The following TRPC7 variants were observed in gnomAD, a reference collection of about 807,000 sequenced individuals.
TRPC7 encodes transient receptor potential cation channel subfamily C member 7, also known as short transient receptor potential channel 7.
TRPC7 carries 42 observed loss-of-function variants against 90.1 expected under a neutral mutation model. That is an observed-to-expected ratio of 0.47 (90% CI 0.36 to 0.60). The LOEUF (loss-of-function observed/expected upper bound fraction) is 0.60. TRPC7 is among the 20% of genes least tolerant of loss of function. The pLI, the probability that TRPC7 is intolerant of heterozygous loss-of-function variation, is 0.00. For missense variants in TRPC7, 955 were observed against 1,112.3 expected (o/e 0.86, Z 2.01); for synonymous variants, 451 against 436.3 (o/e 1.03, Z -0.42).
intron 2 of TRPC7, among the ~76,000 whole-genome samples, chr5:136,339,779 T>C (rs1302747193): frequency 1.3e-5 from 2 of 152,134 alleles, no homozygotes; most frequent in African/African-American, 4.8e-5. Flanking sequence ...GAAGACAGAA[T>C]TGAGAAATAT....
Position 136,247,629 on chromosome 5 carries a change from G to A in TRPC7, c.1686C>T (p.Asn562=), listed in dbSNP as rs575067864. The A allele has an allele frequency of 1.5e-5, 25 of 1,613,962 alleles. No homozygotes were observed. Among genetic ancestry groups the A allele is most frequent in the Admixed American group, 1.3e-4 (8 of 60,026 alleles). The change falls in exon 7 of 12, where the codon AAC becomes AAT. Residue 562 remains asparagine, a synonymous_variant. Transcript: ENST00000513104. This position sits in a 1 kb window ranked among gnomAD's most constrained non-coding sequence, Gnocchi z 4.2. ...AGATCTGCAGGGGCCCAAAACTCTCGTTGGCTGGCAGAATGTATGCAATGC... is the reference window on the plus strand; with the variant it reads ...AGATCTGCAGGGGCCCAAAACTCTCATTGGCTGGCAGAATGTATGCAATGC... ...FSRIAYILPA[N]ESFGPLQISL...
rs1262089001 is a variant in TRPC7, at chr5:136,315,454, C to G, written c.963+143G>C. On this transcript the variant is annotated intron_variant, in intron 3 of 11. Coordinates refer to ENST00000513104, the MANE Select transcript of TRPC7 (RefSeq NM_020389.3). ...GATCCTAGCAGCCCTGTGAAGCTGACAGCTAGCTCCCTGTCTAAAGAGAAT... is the reference window on the plus strand; with the variant it reads ...GATCCTAGCAGCCCTGTGAAGCTGAGAGCTAGCTCCCTGTCTAAAGAGAAT... The G allele has an allele frequency of 3.4e-6, 3 of 874,486 alleles. No homozygotes were observed. In the Admixed American group the frequency reaches 8.3e-5, roughly 24 times the overall value. 54.2% of individuals were successfully genotyped at this position (874,486 alleles called of 1,614,324 possible). A position where few individuals can be genotyped will look rare whatever the true frequency, so the allele number is the denominator to read the frequency against.
intron 2 of TRPC7, among the ~76,000 whole-genome samples, chr5:136,346,362 T>C (rs936535657): frequency 9.2e-5 from 14 of 152,218 alleles, no homozygotes; most frequent in Admixed American, 3.9e-4. Context: ...ACTTTTATTA[T>C]CCCCAAACCC....
At chr5:136,356,011 C>T (rs1053436914) in intron 2 of TRPC7, among the ~76,000 whole-genome samples, 1 of 152,176 alleles carries the variant, frequency 6.6e-6, no homozygotes, top group African/African-American at 2.4e-5. Context: ...TTCGCCTGAG[C>T]TCGTCTACTA....
chr5:136,270,018 T>G (rs1757157562), intron 4 of TRPC7, among the ~76,000 whole-genome samples: 1 of 152,152 alleles, frequency 6.6e-6, no homozygotes, highest in Non-Finnish European at 1.5e-5. Flanking sequence ...GGGACAGAGT[T>G]TGTCATCTGG....
intron 10 of TRPC7, among the ~76,000 whole-genome samples, chr5:136,221,454 C>T (rs1755458191): frequency 6.6e-6 from 1 of 152,176 alleles, no homozygotes; most frequent in Non-Finnish European, 1.5e-5. Context: ...TGGCCTCTGG[C>T]CGCTGATGGT....
chr5:136,226,013 C>T, intron 9 of TRPC7, 21 bp downstream of exon 9: 1 of 1,564,952 alleles, frequency 6.4e-7, no homozygotes, highest in Non-Finnish European at 8.7e-7. Flanking sequence ...TCTCCAGCCT[C>T]ATAAACCACA....
chr5:136,213,819 C>G (rs1339992048), intron 11 of TRPC7, among the ~76,000 whole-genome samples: 1 of 152,190 alleles, frequency 6.6e-6, no homozygotes. Context: ...AAGCCCTTCT[C>G]CTCCCATTCC....
At chr5:136,317,966 A>G (rs1759075892) in intron 2 of TRPC7, among the ~76,000 whole-genome samples, 1 of 152,168 alleles carries the variant, frequency 6.6e-6, no homozygotes, top group African/African-American at 2.4e-5. Flanking sequence ...GCCTGCCATC[A>G]ATAGGAGAGG....
chr5:136,266,215 C>CAT lies in TRPC7; in HGVS notation c.1345+4_1345+5insAT. 6.2e-7 allele frequency: 1 copy of CAT among 1,611,220 alleles called. No homozygotes were observed. On this transcript the variant is annotated splice_donor_region_variant and intron_variant, in intron 5 of 11. Transcript: ENST00000513104. ...GAGAGAATAAAAATAGAGTGACTTG[C>CAT]TTACCTAAGACCCACTTCATAATGA...
chr5:136,237,814 T>C (rs769023096), intron 7 of TRPC7, among the ~76,000 whole-genome samples: 2 of 152,240 alleles, frequency 1.3e-5, no homozygotes, highest in Non-Finnish European at 2.9e-5. Flanking sequence ...CTGCATCAAC[T>C]GCAATAGGCT....
intron 3 of TRPC7, among the ~76,000 whole-genome samples, chr5:136,281,402 G>A (rs1489803750): frequency 3.3e-5 from 5 of 152,186 alleles, no homozygotes; most frequent in African/African-American, 1.2e-4. Flanking sequence ...TTATAGCCTT[G>A]AAAAGTGCAG....
In TRPC7 at chr5:136,226,135, G is replaced by A. The variant is rs1394288767; in HGVS notation, c.2161C>T (p.Leu721Phe). 1 of 1,587,206 alleles carries A rather than the reference G, an allele frequency of 6.3e-7. No homozygotes were observed. ...LVPSPKSFYY[L>F]IMRIKMCLIK... Reference sequence around the variant, plus strand: ...AGGCACATCTTGATTCTCATTATGAGATAATAAAATGATTTAGGACTTGGC... The same window carrying A: ...AGGCACATCTTGATTCTCATTATGAAATAATAAAATGATTTAGGACTTGGC... The change falls in exon 9 of 12, where the codon CTC (leucine) becomes TTC (phenylalanine). Residue 721 changes from leucine (L) to phenylalanine (F), a missense_variant. By Grantham distance (22) the Leu-to-Phe change is conservative. Around this residue, in one of 4 missense-constraint regions of TRPC7, gnomAD observed 296 missense variants for 422.7 expected, o/e 0.70. Coordinates refer to ENST00000513104, the MANE Select transcript of TRPC7 (RefSeq NM_020389.3).
chr5:136,363,272 A>C (rs1760624153), intron 1 of TRPC7, among the ~76,000 whole-genome samples: 1 of 152,158 alleles, frequency 6.6e-6, no homozygotes, highest in South Asian at 2.1e-4. Context: ...CTTATTTCTA[A>C]GTATCACCTT....
chr5:136,361,732 A>G (rs1006761658), intron 1 of TRPC7, among the ~76,000 whole-genome samples: 14 of 152,200 alleles, frequency 9.2e-5, no homozygotes, highest in African/African-American at 3.4e-4. Flanking sequence ...TATAGAACCA[A>G]ACAGAATCTA....
At chr5:136,362,412 G>A (rs372017051) in intron 1 of TRPC7, among the ~76,000 whole-genome samples, 68 of 152,118 alleles carry the variant, frequency 4.5e-4, no homozygotes, top group African/African-American at 1.5e-3. Flanking sequence ...AAGACAAATG[G>A]CAATGTAATG....
At chr5:136,284,780 G>T (rs1757657229) in intron 3 of TRPC7, among the ~76,000 whole-genome samples, 1 of 152,188 alleles carries the variant, frequency 6.6e-6, no homozygotes, top group South Asian at 2.1e-4. Context: ...AGTTGTGAAG[G>T]CTACACCCAG....
intron 7 of TRPC7, among the ~76,000 whole-genome samples, chr5:136,234,878 CA>C: frequency 6.6e-6 from 1 of 152,010 alleles, no homozygotes; most frequent in Non-Finnish European, 1.5e-5. Flanking sequence ...ACCTTATGGG[CA>C]GAGTTATGTC....
chr5:136,304,438 T>G (rs1019201624), intron 3 of TRPC7, among the ~76,000 whole-genome samples: 3 of 152,208 alleles, frequency 2.0e-5, no homozygotes, highest in Non-Finnish European at 4.4e-5. Context: ...GCTTACAAGT[T>G]AGTTCAGAAT....
Sources: allele counts gnomAD v4.1 joint callset (sites outside exome capture counted in the v4.1 genomes callset), GRCh38; gene constraint gnomAD v4.1.1; regional missense constraint gnomAD v4.1.1; non-coding constraint Gnocchi (gnomAD v3.1); transcripts MANE v1.5; gene names NCBI Gene and HGNC (gene_info 2026-07-23, HGNC 2026-07-21).